The following DNAH5 variants were observed in gnomAD, a reference collection of about 807,000 sequenced individuals.
DNAH5 encodes the protein axonemal beta dynein heavy chain 5.
DNAH5 carries 372 observed loss-of-function variants against 518.2 expected under a neutral mutation model. The observed-to-expected ratio is 0.72, with a 90% CI of 0.66 to 0.78. The LOEUF (loss-of-function observed/expected upper bound fraction) is 0.78, where lower values mean the gene tolerates loss of function less well. Ranked by LOEUF, DNAH5 falls within the 30% of genes least tolerant of loss-of-function variation. The probability of loss-of-function intolerance (pLI) is 0.00; values close to 1 mark genes in which losing one functional copy is unlikely to be tolerated. For missense variants in DNAH5, 5,523 were observed against 5,687.0 expected (o/e 0.97, Z 0.93); for synonymous variants, 2,039 against 2,025.9 (o/e 1.01, Z -0.17).
At chr5:13,716,781 A>G (rs1744339936) in intron 73 of DNAH5, 91 bp from the exon 74 acceptor site, 1 of 862,198 alleles carries the variant, frequency 1.2e-6, no homozygotes, top group East Asian at 2.6e-5. Context: ...CACTTTCAAC[A>G]TCATTCAGTC....
chr5:13,738,087 TAA>T (rs61001745), intron 65 of DNAH5, among the ~76,000 whole-genome samples: 13 of 132,546 alleles, frequency 9.8e-5, no homozygotes, highest in East Asian at 6.4e-4. Flanking sequence ...AATAAAATGT[TAA>T]AAAAAAAAAA....
rs759103295 is a variant in DNAH5, at chr5:13,771,011, ATATG to A, written c.9374-35_9374-32del. On this transcript the variant is annotated intron_variant, in intron 55 of 78. Transcript: ENST00000265104. ...GAGAATAAAGATGACAGTGTGTGAA[ATATG>A]TATGTAAGTTACCCTTTTAAAAGTT... 5.3e-6 allele frequency: 8 copies of A among 1,521,200 alleles called. No individual in the cohort carries two copies. In the South Asian group the frequency reaches 9.0e-5, roughly 17 times the overall value. 94.2% of individuals were successfully genotyped at this position (1,521,200 alleles called of 1,614,324 possible). A position where few individuals can be genotyped will look rare whatever the true frequency, so the allele number is the denominator to read the frequency against.
chr5:13,841,238 G>T (rs1236176822), intron 33 of DNAH5, 108 bp from the exon 34 acceptor site: 17 of 880,456 alleles, frequency 1.9e-5, no homozygotes, highest in Non-Finnish European at 2.7e-5. Context: ...GTAAAGCCAT[G>T]ATTACATCAA....
chr5:13,789,956 ACAT>A (rs1756691684), intron 50 of DNAH5, among the ~76,000 whole-genome samples: 1 of 152,204 alleles, frequency 6.6e-6, no homozygotes, highest in African/African-American at 2.4e-5. Context: ...AAGAAGCTCA[ACAT>A]CACTCATCAT....
chr5:13,732,428 G>T (rs575870037), intron 68 of DNAH5, among the ~76,000 whole-genome samples: 3 of 152,034 alleles, frequency 2.0e-5, no homozygotes, highest in African/African-American at 7.2e-5. Context: ...GTGCAGTGGC[G>T]CAATCTCGGC....
intron 45 of DNAH5, 107 bp from the exon 46 acceptor site, chr5:13,809,293 C>T: frequency 7.5e-7 from 1 of 1,341,952 alleles, no homozygotes; most frequent in Non-Finnish European, 1.1e-6. Context: ...AAATTCTCCC[C>T]ATAAAATGAA....
At position 13,962,984 on chromosome 5, in the gene DNAH5, T is replaced by A. The variant is rs114487902; in HGVS notation, c.13-31740A>T. ...CGGTGCATCCACCACAGTCGCCGCG[T>A]CCCAAGAGCAGGGAGCATCTCCCTG... On this transcript the variant is annotated intron_variant, in intron 1 of 78. Coordinates refer to the DNAH5 transcript ENST00000681290. Among the ~76,000 whole-genome samples the A allele has an allele frequency of 4.1e-3, 620 of 152,194 alleles. 7 individuals are homozygous for A. Among genetic ancestry groups the A allele is most frequent in the African/African-American group, 0.014 (588 of 41,548 alleles).
chr5:13,754,916 C>T (rs563219676), intron 61 of DNAH5, among the ~76,000 whole-genome samples: 7 of 151,846 alleles, frequency 4.6e-5, no homozygotes, highest in Admixed American at 6.6e-5. Context: ...GCGAGGTGGG[C>T]GGATCACTTG....
chr5:13,921,491 A>T (rs867366934), intron 5 of DNAH5, among the ~76,000 whole-genome samples: 1,706 of 144,318 alleles, frequency 0.012, 55 homozygotes, highest in African/African-American at 0.044. Flanking sequence ...ACACACACAC[A>T]CACACACACA....
chr5:13,870,661 G>T (rs532814230), intron 24 of DNAH5, 106 bp downstream of exon 24: 5 of 1,043,432 alleles, frequency 4.8e-6, no homozygotes, highest in African/African-American at 3.2e-5. Context: ...TATTGTCTTG[G>T]TTTAGTAACC....
chr5:14,011,620 A>G (rs945565668), intron 1 of DNAH5, among the ~76,000 whole-genome samples: 44 of 152,124 alleles, frequency 2.9e-4, no homozygotes, highest in African/African-American at 9.9e-4. Flanking sequence ...TGGGCGTGGG[A>G]GCCGCGTGGC....
At chr5:13,822,940 G>A (rs943082525) in intron 40 of DNAH5, among the ~76,000 whole-genome samples, 1 of 152,206 alleles carries the variant, frequency 6.6e-6, no homozygotes, top group African/African-American at 2.4e-5. Context: ...AAGCTCCAGA[G>A]AGGCAGCCAG....
chr5:13,865,666 AC>A lies in DNAH5; in HGVS notation c.4355+1del, dbSNP rs1769138467. On this transcript the variant is annotated splice_donor_variant, in intron 27 of 78. Coordinates refer to ENST00000265104, the MANE Select transcript of DNAH5 (RefSeq NM_001369.3). LOFTEE classifies it high-confidence loss of function. ...GGGCATGCTAAACATTTAATTTCTT[AC>A]CTGTTCTGGAATTCTAAGAGTTCAT... 1 of 1,524,674 alleles carries A rather than the reference AC, an allele frequency of 6.6e-7. No homozygotes were observed. Among genetic ancestry groups the A allele is most frequent in the Non-Finnish European group, 9.1e-7 (1 of 1,098,948 alleles). 94.4% of individuals were successfully genotyped at this position (1,524,674 alleles called of 1,614,324 possible).
intron 30 of DNAH5, among the ~76,000 whole-genome samples, 160 bp downstream of exon 30, chr5:13,859,292 C>T (rs906528107): frequency 1.3e-5 from 2 of 152,064 alleles, no homozygotes; most frequent in African/African-American, 4.8e-5. Flanking sequence ...TCCACAATTC[C>T]TCACTCCCTT....
intron 58 of DNAH5, among the ~76,000 whole-genome samples, chr5:13,767,434 A>AT (rs1230661126): frequency 6.6e-6 from 1 of 152,176 alleles, no homozygotes; most frequent in African/African-American, 2.4e-5. Context: ...CTGTTTTAAT[A>AT]TATTAATACT....
Position 13,931,225 on chromosome 5 carries a change from T to C in DNAH5, c.77A>G (p.Lys26Arg), listed in dbSNP as rs781443956. ...ATCCAAAAGAGCCCGCTTGGCTTCC[T>C]TCTCTCCCTTCAGTCTTTGCTAAAA... is the stretch of plus-strand genomic sequence containing the variant. ...RVLTQRLKGE[K>R]EAKRALLDAR... The change falls in exon 2 of 79, where the codon AAG (lysine) becomes AGG (arginine). Residue 26 changes from lysine to arginine, a missense_variant. This residue lies in a region of DNAH5 where 5,121 missense variants were observed against 5,223.3 expected (regional missense o/e 0.98). Coordinates refer to ENST00000265104, the MANE Select transcript of DNAH5 (RefSeq NM_001369.3). 3.7e-6 allele frequency: 6 copies of C among 1,614,142 alleles called. No individual in the cohort carries two copies. Among genetic ancestry groups the C allele is most frequent in the Non-Finnish European group, 8.5e-7 (1 of 1,179,964 alleles).
intron 78 of DNAH5, among the ~76,000 whole-genome samples, chr5:13,699,865 G>A (rs992139232): frequency 6.6e-6 from 1 of 152,152 alleles, no homozygotes; most frequent in Non-Finnish European, 1.5e-5. Flanking sequence ...GACGAACAGG[G>A]AATTCCCTCG....
chr5:13,859,568 C>T lies in DNAH5; in HGVS notation c.4834G>A (p.Val1612Met). ...MPFKAQIQKW[V>M]QYLSNSTDII... ...TCTGTTGAGTTGGAAAGGTACTGCACCCATTTTTGAATCTGGGCTTTGAAT... is the reference window on the plus strand; with the variant it reads ...TCTGTTGAGTTGGAAAGGTACTGCATCCATTTTTGAATCTGGGCTTTGAAT... Residue 1612 changes from valine to methionine, a missense_variant, in exon 30 of 79, where the codon GTG (valine) becomes ATG (methionine). Val to Met is a conservative substitution (Grantham distance 21, BLOSUM62 1). Coordinates refer to ENST00000265104, the MANE Select transcript of DNAH5 (RefSeq NM_001369.3). 6.2e-7 allele frequency: 1 copy of T among 1,613,950 alleles called. No individual in the cohort carries two copies. Among genetic ancestry groups the T allele is most frequent in the South Asian group, 1.1e-5 (1 of 91,064 alleles).
At chr5:13,882,129 A>C (rs1291618448) in intron 21 of DNAH5, among the ~76,000 whole-genome samples, 1 of 152,096 alleles carries the variant, frequency 6.6e-6, no homozygotes, top group Non-Finnish European at 1.5e-5. Flanking sequence ...TGAAAATCTG[A>C]ACAGACCTAT....
Sources: gnomAD v4.1 joint callset for allele counts (sites outside exome capture counted in the v4.1 genomes callset) on GRCh38, gnomAD v4.1.1 for gene constraint, gnomAD v4.1.1 regional missense constraint, MANE v1.5 for transcripts, NCBI Gene and HGNC (gene_info 2026-07-23, HGNC 2026-07-21) for gene names.